Variants in METTL24 observed in about 807,000 individuals in gnomAD.
METTL24 encodes the protein probable methyltransferase-like protein 24.
A neutral mutation model predicts 32.7 loss-of-function variants in METTL24; 29 were observed. That is an observed-to-expected ratio of 0.89 (90% CI 0.66 to 1.21). The LOEUF is 1.21. METTL24 is among the 50% of genes most tolerant of loss of function. The probability of loss-of-function intolerance (pLI) is 0.00; values close to 1 mark genes in which losing one functional copy is unlikely to be tolerated. For missense variants in METTL24, 439 were observed against 468.1 expected (o/e 0.94, Z 0.57); for synonymous variants, 163 against 179.5 (o/e 0.91, Z 0.73).
At chr6:110,334,003 C>T (rs1242318787) in intron 1 of METTL24, among the ~76,000 whole-genome samples, 5 of 150,798 alleles carry the variant, frequency 3.3e-5, no homozygotes, top group Non-Finnish European at 7.4e-5. Flanking sequence ...ATTCTATTTT[C>T]ATTTTAGAGT....
intron 3 of METTL24, among the ~76,000 whole-genome samples, chr6:110,301,250 T>C (rs9487357): frequency 0.014 from 2,191 of 152,270 alleles, 59 homozygotes; most frequent in African/African-American, 0.051. Flanking sequence ...CCCTATTTTC[T>C]ACCACCTACT....
rs1772477340 is a variant in METTL24, at chr6:110,346,502, C to CTT, written c.318+11452_318+11453insAA. Among the ~76,000 whole-genome samples, 30 of 86,166 alleles carry CTT rather than the reference C, an allele frequency of 3.5e-4. No homozygotes were observed. The South Asian group carries it at 0.012, about 35-fold the overall frequency. 56.5% of individuals were successfully genotyped at this position (86,166 alleles called of 152,430 possible). A position where few individuals can be genotyped will look rare whatever the true frequency, so the allele number is the denominator to read the frequency against. ...TGTCCCTATATTATTCTCTCTCTCT[C>CTT]TCTTTTTTTTTTTTTTTGAGATGGA... On this transcript the variant is annotated intron_variant, in intron 1 of 4. Transcript: ENST00000338882.
intron 3 of METTL24, among the ~76,000 whole-genome samples, chr6:110,299,948 C>T (rs73537992): frequency 4.4e-4 from 67 of 152,098 alleles, no homozygotes; most frequent in African/African-American, 1.6e-3. Context: ...GGCTTTTCTG[C>T]CCCAATACTG....
chr6:110,251,087 A>G (rs1407432504), intron 4 of METTL24, among the ~76,000 whole-genome samples: 1 of 152,224 alleles, frequency 6.6e-6, no homozygotes, highest in African/African-American at 2.4e-5. Context: ...CTTCCACTGC[A>G]TTCCATTGGT....
chr6:110,323,645 C>G (rs112671618), intron 1 of METTL24, among the ~76,000 whole-genome samples: 1 of 152,020 alleles, frequency 6.6e-6, no homozygotes, highest in Non-Finnish European at 1.5e-5. Flanking sequence ...TCAGGAAATC[C>G]TTATTAGAGC....
At chr6:110,266,368 G>C (rs1481951312) in intron 4 of METTL24, among the ~76,000 whole-genome samples, 1 of 152,012 alleles carries the variant, frequency 6.6e-6, no homozygotes, top group African/African-American at 2.4e-5. Flanking sequence ...GTAAAGAAGT[G>C]GTTAGTGGAT....
intron 1 of METTL24, among the ~76,000 whole-genome samples, chr6:110,332,057 C>T (rs376175451): frequency 4.6e-5 from 7 of 152,132 alleles, no homozygotes; most frequent in Non-Finnish European, 8.8e-5. Flanking sequence ...GCCAATCTGC[C>T]GCCTCTGCAG....
At position 110,327,310 on chromosome 6, in the gene METTL24, A is replaced by C. The variant is rs73763031; in HGVS notation, c.319-4438T>G. Reference sequence around the variant, plus strand: ...AGCTAACATACAAAAGTAACTTCACAGATCAATAATTTAGAATCCATATGG... The same window carrying C: ...AGCTAACATACAAAAGTAACTTCACCGATCAATAATTTAGAATCCATATGG... On this transcript the variant is annotated intron_variant, in intron 1 of 4. Coordinates refer to ENST00000338882, the MANE Select transcript of METTL24 (RefSeq NM_001123364.3). 2.1e-3 allele frequency among the ~76,000 whole-genome samples: 325 copies of C among 152,390 alleles called. 2 individuals carry two copies. Among genetic ancestry groups the C allele is most frequent in the African/African-American group, 7.1e-3 (296 of 41,600 alleles).
intron 3 of METTL24, among the ~76,000 whole-genome samples, chr6:110,309,919 TG>T (rs1328277041): frequency 5.3e-5 from 8 of 152,138 alleles, no homozygotes; most frequent in African/African-American, 1.7e-4. Flanking sequence ...CCTCTTTTTA[TG>T]TATGAAGCAC....
At chr6:110,330,432 A>C (rs971088345) in intron 1 of METTL24, among the ~76,000 whole-genome samples, 1 of 152,172 alleles carries the variant, frequency 6.6e-6, no homozygotes. Context: ...CTGGTCATAG[A>C]TTCAAAAACC....
chr6:110,303,060 G>T (rs1211501227), intron 3 of METTL24, among the ~76,000 whole-genome samples: 1 of 152,116 alleles, frequency 6.6e-6, no homozygotes, highest in Non-Finnish European at 1.5e-5. Context: ...AGCACAGGGG[G>T]TCGGGAAATC....
At chr6:110,301,089 C>G (rs921543599) in intron 3 of METTL24, among the ~76,000 whole-genome samples, 2 of 152,142 alleles carry the variant, frequency 1.3e-5, no homozygotes, top group Non-Finnish European at 2.9e-5. Flanking sequence ...CACCCTTCAC[C>G]CAACTACACT....
chr6:110,254,849 T>C (rs1304992582), intron 4 of METTL24, among the ~76,000 whole-genome samples: 1 of 152,206 alleles, frequency 6.6e-6, no homozygotes, highest in Non-Finnish European at 1.5e-5. Context: ...TAGGTTTTTA[T>C]ATATCAAGTT....
chr6:110,299,080 G>T lies in METTL24; in HGVS notation c.628C>A (p.Pro210Thr). 2.5e-6 allele frequency: 4 copies of T among 1,614,116 alleles called. No homozygotes were observed. ...AGAATGTGAGCTGACTTGACACTAG[G>T]ATCAAAACGATGCACTTCACATCCG... ...NNGCEVHRFD[P>T]SVKSAHILES... Residue 210 changes from proline (P) to threonine (T), a missense_variant, in exon 4 of 5, where the codon CCT (proline) becomes ACT (threonine). By Grantham distance (38) the Pro-to-Thr change is conservative (BLOSUM62 -1). Coordinates refer to ENST00000338882, the MANE Select transcript of METTL24 (RefSeq NM_001123364.3).
chr6:110,261,568 G>T (rs1383306199), intron 4 of METTL24, among the ~76,000 whole-genome samples: 1 of 152,128 alleles, frequency 6.6e-6, no homozygotes, highest in African/African-American at 2.4e-5. Flanking sequence ...GAGACAGAAA[G>T]TTAACAAGGA....
chr6:110,349,084 A>C (rs1406113374), intron 1 of METTL24, among the ~76,000 whole-genome samples: 1 of 152,206 alleles, frequency 6.6e-6, no homozygotes, highest in Non-Finnish European at 1.5e-5. Flanking sequence ...GGCATCCCAA[A>C]CAGCGAACGT....
At chr6:110,303,618 C>T (rs532793942) in intron 3 of METTL24, among the ~76,000 whole-genome samples, 21 of 152,222 alleles carry the variant, frequency 1.4e-4, no homozygotes, top group Non-Finnish European at 1.2e-4. Flanking sequence ...TCTCTAGATT[C>T]CTCCTCTCTG....
intron 1 of METTL24, among the ~76,000 whole-genome samples, chr6:110,323,930 C>T (rs1433833130): frequency 6.6e-6 from 1 of 152,066 alleles, no homozygotes; most frequent in East Asian, 1.9e-4. Flanking sequence ...GGATCATTCA[C>T]ATATACACAG....
rs1491226736 is a variant in METTL24, at chr6:110,295,788, A to AG, written c.786+3133dup. Among the ~76,000 whole-genome samples the AG allele has an allele frequency of 1.9e-4, 27 of 142,238 alleles. 1 individual carries two copies. The highest frequency in any genetic ancestry group is 4.9e-4 in the African/African-American group (17 of 34,706). 93.3% of individuals were successfully genotyped at this position (142,238 alleles called of 152,430 possible). On this transcript the variant is annotated intron_variant, in intron 4 of 4. Transcript: ENST00000338882. ...ATATTTTCCCCGGGAAAGAAAAGAA[A>AG]GAAAGAAAGGAAGGAAGGAAGGAAG...
Sources: allele counts gnomAD v4.1 joint callset (sites outside exome capture counted in the v4.1 genomes callset), GRCh38; gene constraint gnomAD v4.1.1; transcripts MANE v1.5; gene names NCBI Gene and HGNC (gene_info 2026-07-23, HGNC 2026-07-21).